The following HS3ST3A1 variants were observed in gnomAD, a reference collection of about 807,000 sequenced individuals.
HS3ST3A1 encodes heparan sulfate-glucosamine 3-sulfotransferase 3A1.
A neutral mutation model predicts 25.7 loss-of-function variants in HS3ST3A1; 19 were observed. That is an observed-to-expected ratio of 0.74 (90% CI 0.52 to 1.08). The LOEUF (loss-of-function observed/expected upper bound fraction) is 1.08, where lower values mean the gene tolerates loss of function less well. Among genes scored for constraint, HS3ST3A1 ranks in the 50% least tolerant of loss-of-function variants. The pLI, the probability that HS3ST3A1 is intolerant of heterozygous loss-of-function variation, is 0.00. For synonymous variants in HS3ST3A1, 226 were observed against 278.6 expected, an observed-to-expected ratio of 0.81 and a Z score of 1.88; for missense variants, 459 against 594.3, an observed-to-expected ratio of 0.77 and a Z score of 2.37.
chr17:13,561,150 G>A (rs1476814781), intron 1 of HS3ST3A1, among the ~76,000 whole-genome samples: 1 of 152,080 alleles, frequency 6.6e-6, no homozygotes, highest in African/African-American at 2.4e-5. Context: ...AAATCACTGG[G>A]GACAGAACAA....
intron 1 of HS3ST3A1, among the ~76,000 whole-genome samples, chr17:13,525,874 T>A (rs891714273): frequency 6.6e-6 from 1 of 152,140 alleles, no homozygotes; most frequent in African/African-American, 2.4e-5. Context: ...CCCTTTTTTT[T>A]TTCTGTGATT....
rs140968386 is a variant in HS3ST3A1, at chr17:13,502,362, A to G, written c.600-5544T>C. ...GGCTGTGCCTTAACGATGGTCCAAG[A>G]GGCAAGCCAAGCACTCTAGCACTGG... On this transcript the variant is annotated intron_variant, in intron 1 of 1. Transcript: ENST00000284110. Among the ~76,000 whole-genome samples the G allele has an allele frequency of 3.7e-3, 557 of 152,314 alleles. 2 individuals carry two copies. Among genetic ancestry groups the G allele is most frequent in the African/African-American group, 0.012 (508 of 41,580 alleles).
chr17:13,574,578 C>G (rs1315996308), intron 1 of HS3ST3A1, among the ~76,000 whole-genome samples: 1 of 151,804 alleles, frequency 6.6e-6, no homozygotes, highest in Non-Finnish European at 1.5e-5. Flanking sequence ...ATTAGCGGGA[C>G]ATGGTGGCGG....
At chr17:13,595,202 G>C (rs1409760678) in intron 1 of HS3ST3A1, among the ~76,000 whole-genome samples, 1 of 152,140 alleles carries the variant, frequency 6.6e-6, no homozygotes, top group Non-Finnish European at 1.5e-5. Flanking sequence ...GAAGAATCAT[G>C]ACCACATAGT....
intron 1 of HS3ST3A1, among the ~76,000 whole-genome samples, chr17:13,598,663 CT>C (rs199678513): frequency 6.6e-6 from 1 of 150,740 alleles, no homozygotes; most frequent in Non-Finnish European, 1.5e-5. Flanking sequence ...GTTTATGACT[CT>C]TTTTTTTTCT....
intron 1 of HS3ST3A1, among the ~76,000 whole-genome samples, chr17:13,576,865 G>T (rs1164985243): frequency 6.6e-6 from 1 of 152,184 alleles, no homozygotes; most frequent in Non-Finnish European, 1.5e-5. Flanking sequence ...CTAGATGGCA[G>T]AACAGACATT....
intron 1 of HS3ST3A1, among the ~76,000 whole-genome samples, chr17:13,501,488 C>A (rs1400948750): frequency 6.9e-6 from 1 of 145,848 alleles, no homozygotes; most frequent in African/African-American, 2.6e-5. Context: ...TTACAAGGTA[C>A]TGCTGAAGGG....
chr17:13,519,631 T>A (rs1906166530), intron 1 of HS3ST3A1, among the ~76,000 whole-genome samples: 1 of 152,192 alleles, frequency 6.6e-6, no homozygotes, highest in African/African-American at 2.4e-5. Context: ...CTATTAATCT[T>A]CTTGAGATTG....
At chr17:13,526,474 T>TTATATATATATATATA (rs58701744) in intron 1 of HS3ST3A1, among the ~76,000 whole-genome samples, 21 of 76,294 alleles carry the variant, frequency 2.8e-4, no homozygotes, top group African/African-American at 4.2e-4. Flanking sequence ...ACTTTAATTT[T>TTATATATATATATATA]TATATATATA....
At chr17:13,549,107 T>C (rs187417983) in intron 1 of HS3ST3A1, among the ~76,000 whole-genome samples, 2 of 152,316 alleles carry the variant, frequency 1.3e-5, no homozygotes, top group Admixed American at 6.5e-5. Flanking sequence ...TTATGAGCTA[T>C]AACACTCACC....
At chr17:13,504,837 T>G (rs953327906) in intron 1 of HS3ST3A1, among the ~76,000 whole-genome samples, 1 of 152,062 alleles carries the variant, frequency 6.6e-6, no homozygotes, top group Non-Finnish European at 1.5e-5. Context: ...CTCCCTCACC[T>G]CAGGCAAATC....
chr17:13,586,049 ATG>A (rs1908257311), intron 1 of HS3ST3A1, among the ~76,000 whole-genome samples: 2 of 151,386 alleles, frequency 1.3e-5, no homozygotes, highest in Admixed American at 1.3e-4. Flanking sequence ...GGGTTTCACC[ATG>A]TTGACCAGGA....
intron 1 of HS3ST3A1, among the ~76,000 whole-genome samples, chr17:13,534,942 C>T (rs1179943269): frequency 2.6e-5 from 4 of 152,172 alleles, no homozygotes; most frequent in African/African-American, 9.7e-5. Flanking sequence ...AGGAGAATCA[C>T]TTGAACCTGG....
Position 13,496,504 on chromosome 17 carries a change from CG to C in HS3ST3A1, c.913del (p.Arg305AlafsTer6). 1 of 1,451,378 alleles carries C rather than the reference CG, an allele frequency of 6.9e-7. No individual in the cohort carries two copies. The highest frequency in any genetic ancestry group is 1.2e-5 in the South Asian group (1 of 81,842). The allele number at this position is 1,451,378 out of a possible 1,614,324, so 89.9% of individuals were successfully genotyped here. On this transcript the variant is annotated frameshift_variant, in exon 2 of 2. Transcript: ENST00000284110. LOFTEE classifies it high-confidence loss of function. The part of the protein sequence containing the change: ...LEHWLRHFPI[R>X]QMLFVSGERL... ...CTCGCCGCTCACGAAGAGCATCTGG[CG>C]GATGGGGAAGTGGCGCAGCCAGTGC... is the stretch of plus-strand genomic sequence containing the variant.
chr17:13,559,899 T>C (rs1907481417), intron 1 of HS3ST3A1, among the ~76,000 whole-genome samples: 2 of 151,956 alleles, frequency 1.3e-5, no homozygotes, highest in Admixed American at 6.6e-5. Context: ...TTGGTTTTGG[T>C]TTTTTTGCAA....
chr17:13,576,750 C>T (rs369100137), intron 1 of HS3ST3A1, among the ~76,000 whole-genome samples: 14 of 152,284 alleles, frequency 9.2e-5, no homozygotes, highest in African/African-American at 2.9e-4. Context: ...GATCAAGGGA[C>T]ATTCTAAAAA....
chr17:13,555,273 G>A (rs149829242), intron 1 of HS3ST3A1, among the ~76,000 whole-genome samples: 1,869 of 152,134 alleles, frequency 0.012, 28 homozygotes, highest in East Asian at 0.037. Flanking sequence ...TAAACCTACC[G>A]TGTTTCAAGC....
intron 1 of HS3ST3A1, among the ~76,000 whole-genome samples, chr17:13,513,512 G>C (rs892442813): frequency 6.6e-6 from 1 of 152,130 alleles, no homozygotes; most frequent in East Asian, 1.9e-4. Flanking sequence ...CCACCGCTCC[G>C]ATATAGCATT....
chr17:13,569,388 G>T (rs1318464823), intron 1 of HS3ST3A1, among the ~76,000 whole-genome samples: 2 of 152,196 alleles, frequency 1.3e-5, no homozygotes, highest in African/African-American at 2.4e-5. Flanking sequence ...TGCTGGAAAT[G>T]TTTCTGTGAT....
Sources: allele counts gnomAD v4.1 joint callset (sites outside exome capture counted in the v4.1 genomes callset), GRCh38; gene constraint gnomAD v4.1.1; transcripts MANE v1.5; gene names NCBI Gene and HGNC (gene_info 2026-07-23, HGNC 2026-07-21).